The following HYCC1 variants were observed in gnomAD, a reference collection of about 807,000 sequenced individuals.
HYCC1 encodes the protein hyccin.
chr7:22,915,173 G>T, the HYCC1 span, among the ~76,000 whole-genome samples: 1 of 152,088 alleles, frequency 6.6e-6, no homozygotes, highest in Non-Finnish European at 1.5e-5. Flanking sequence ...TCCCAGCATT[G>T]CAAAAAGGTC....
the HYCC1 span, among the ~76,000 whole-genome samples, chr7:22,962,960 A>C: frequency 7.2e-5 from 11 of 152,244 alleles, no homozygotes; most frequent in African/African-American, 2.6e-4. Flanking sequence ...TCTCCACCTA[A>C]GTACCAGGTA....
chr7:22,924,249 G>T, the HYCC1 span, among the ~76,000 whole-genome samples: 1 of 151,510 alleles, frequency 6.6e-6, no homozygotes, highest in Non-Finnish European at 1.5e-5. Flanking sequence ...ACAGCTCCCA[G>T]CATGAGCGAT....
the HYCC1 span, among the ~76,000 whole-genome samples, chr7:22,975,687 T>C: frequency 6.6e-6 from 1 of 152,296 alleles, no homozygotes; most frequent in Non-Finnish European, 1.5e-5. Context: ...CTTTACATTC[T>C]TCATGATGTT....
chr7:23,009,167 T>C, the HYCC1 span, among the ~76,000 whole-genome samples: 1 of 152,130 alleles, frequency 6.6e-6, no homozygotes, highest in South Asian at 2.1e-4. Context: ...CAAAGGACAC[T>C]AATAGATATT....
the HYCC1 span, among the ~76,000 whole-genome samples, chr7:23,004,523 G>T: frequency 6.6e-6 from 1 of 152,034 alleles, no homozygotes; most frequent in Non-Finnish European, 1.5e-5. Context: ...ACCTAAAATT[G>T]TATGACATAT....
chr7:22,966,290 G>GT, the HYCC1 span, among the ~76,000 whole-genome samples: 61 of 151,982 alleles, frequency 4.0e-4, no homozygotes, highest in African/African-American at 1.4e-3. Context: ...TTGTTTGTTT[G>GT]TTTTTTGTTT....
the HYCC1 span, among the ~76,000 whole-genome samples, chr7:22,906,063 G>T: frequency 1.3e-5 from 2 of 152,140 alleles, no homozygotes; most frequent in East Asian, 3.9e-4. Context: ...GATCATGATG[G>T]TGATAATGAT....
the HYCC1 span, among the ~76,000 whole-genome samples, chr7:22,911,129 T>C: frequency 4.4e-4 from 67 of 152,274 alleles, no homozygotes; most frequent in South Asian, 7.0e-3. Flanking sequence ...GGAAGAAATA[T>C]AGGAGTTCTT....
At chr7:22,931,255 G>GAAAAAAAAAAAAAAAAAA in the HYCC1 span, among the ~76,000 whole-genome samples, 4 of 103,814 alleles carry the variant, frequency 3.9e-5, no homozygotes, top group Admixed American at 1.0e-4. Context: ...CAAAAAAAAA[G>GAAAAAAAAAAAAAAAAAA]AAAAAAAAAA....
At chr7:22,959,414 C>G in the HYCC1 span, among the ~76,000 whole-genome samples, 3 of 152,112 alleles carry the variant, frequency 2.0e-5, no homozygotes, top group Non-Finnish European at 1.5e-5. Context: ...ATTTTCACCT[C>G]AGTTTACAGG....
the HYCC1 span, among the ~76,000 whole-genome samples, chr7:22,919,766 A>G: frequency 6.6e-6 from 1 of 152,140 alleles, no homozygotes; most frequent in Non-Finnish European, 1.5e-5. Flanking sequence ...GAACAGAAAG[A>G]AAAACAGAAT....
chr7:22,965,192 T>C, the HYCC1 span, among the ~76,000 whole-genome samples: 1 of 147,432 alleles, frequency 6.8e-6, no homozygotes, highest in Non-Finnish European at 1.5e-5. Flanking sequence ...TTGTCATAAA[T>C]AGATGTGTGG....
At chr7:22,944,903 G>T in the HYCC1 span, 1 of 152,248 alleles carries the variant, frequency 6.6e-6, no homozygotes, top group East Asian at 1.9e-4. Flanking sequence ...ATGTTTCAGA[G>T]ATAACAACAG....
At chr7:22,899,140 TGTCACGATG>T in the HYCC1 span, among the ~76,000 whole-genome samples, 7 of 152,178 alleles carry the variant, frequency 4.6e-5, no homozygotes, top group African/African-American at 1.7e-4. Context: ...CATTTCTGAA[TGTCACGATG>T]GCAGGAGGGC....
chr7:22,927,134 C>T, the HYCC1 span, among the ~76,000 whole-genome samples: 80 of 152,124 alleles, frequency 5.3e-4, no homozygotes, highest in Non-Finnish European at 8.1e-4. Flanking sequence ...TTGAAACCAA[C>T]GAGAACAAAG....
At chr7:23,008,651 G>T in the HYCC1 span, among the ~76,000 whole-genome samples, 1 of 151,820 alleles carries the variant, frequency 6.6e-6, no homozygotes, top group Non-Finnish European at 1.5e-5. Flanking sequence ...AAGACAGTTT[G>T]GAATTACTAG....
the HYCC1 span, among the ~76,000 whole-genome samples, chr7:22,918,731 C>A: frequency 1.3e-5 from 2 of 152,074 alleles, no homozygotes; most frequent in East Asian, 1.9e-4. Flanking sequence ...TGTGACCCCC[C>A]ACCCCTGCCC....
the HYCC1 span, among the ~76,000 whole-genome samples, chr7:22,970,310 A>C: frequency 1.3e-4 from 19 of 150,662 alleles, no homozygotes; most frequent in African/African-American, 4.6e-4. Context: ...AAAAGTAAAA[A>C]TCCAATTATT....
At chr7:23,000,775 C>T in the HYCC1 span, among the ~76,000 whole-genome samples, 1 of 151,860 alleles carries the variant, frequency 6.6e-6, no homozygotes. Context: ...TTGAATAATC[C>T]CTCTTAGAAG....
Sources: gnomAD v4.1 joint callset for allele counts (sites outside exome capture counted in the v4.1 genomes callset) on GRCh38, gnomAD v4.1.1 for gene constraint, MANE v1.5 for transcripts, NCBI Gene and HGNC (gene_info 2026-07-23, HGNC 2026-07-21) for gene names.